ZNF451: variants seen among roughly 807,000 people sequenced by gnomAD.
ZNF451 encodes zinc finger protein 451.
Under a neutral mutation model 107.1 loss-of-function variants are expected in ZNF451, and 80 were observed. The ratio of observed to expected loss-of-function variants is 0.75; its 90% CI spans 0.62 to 0.90. ZNF451 has a LOEUF of 0.90. Among genes scored for constraint, ZNF451 ranks in the 40% least tolerant of loss-of-function variants. The probability of loss-of-function intolerance (pLI) is 0.00; values close to 1 mark genes in which losing one functional copy is unlikely to be tolerated. For synonymous variants in ZNF451, 362 were observed against 406.5 expected (o/e 0.89, Z 1.32); for missense variants, 1,107 against 1,236.2 (o/e 0.90, Z 1.57).
chr6:57,128,522 T>G (rs1020081974), intron 4 of ZNF451, among the ~76,000 whole-genome samples: 2 of 152,146 alleles, frequency 1.3e-5, no homozygotes, highest in African/African-American at 4.8e-5. Context: ...GGGGTGTAGG[T>G]TGTAGTAAAT....
At chr6:57,126,243 A>T (rs973039134) in intron 4 of ZNF451, among the ~76,000 whole-genome samples, 4 of 152,112 alleles carry the variant, frequency 2.6e-5, no homozygotes, top group African/African-American at 9.7e-5. Context: ...TTGTTTAACC[A>T]GTTGGAAAGA....
chr6:57,145,701 G>T (rs1235408232), intron 9 of ZNF451, among the ~76,000 whole-genome samples: 2 of 152,030 alleles, frequency 1.3e-5, no homozygotes, highest in African/African-American at 4.8e-5. Flanking sequence ...ATAATCCATT[G>T]ATGGACACTT....
At chr6:57,132,647 C>T in intron 5 of ZNF451, among the ~76,000 whole-genome samples, 1 of 151,742 alleles carries the variant, frequency 6.6e-6, no homozygotes, top group Non-Finnish European at 1.5e-5. Flanking sequence ...CCTTCTAATG[C>T]ATTTGGTCTT....
chr6:57,167,612 T>C (rs915225108), intron 14 of ZNF451, among the ~76,000 whole-genome samples: 5 of 152,130 alleles, frequency 3.3e-5, no homozygotes, highest in Non-Finnish European at 5.9e-5. Context: ...GGTTGCATCT[T>C]AGGGAGATCA....
chr6:57,106,435 T>A, intron 3 of ZNF451: 1 of 570,480 alleles, frequency 1.8e-6, no homozygotes, highest in Non-Finnish European at 2.2e-6. Flanking sequence ...GCCTCCCGAG[T>A]AGCTGGGATT....
intron 7 of ZNF451, among the ~76,000 whole-genome samples, chr6:57,136,455 T>A (rs1486183193): frequency 1.3e-5 from 2 of 152,018 alleles, no homozygotes; most frequent in African/African-American, 2.4e-5. Flanking sequence ...AGCTCTGAGA[T>A]GAGAGAATTG....
At chr6:57,097,505 C>G (rs914914314) in intron 2 of ZNF451, among the ~76,000 whole-genome samples, 3 of 152,158 alleles carry the variant, frequency 2.0e-5, no homozygotes, top group African/African-American at 7.2e-5. Context: ...CTACTGCATT[C>G]TCTAGTGTTT....
At chr6:57,139,494 C>T (rs1831643728) in intron 7 of ZNF451, among the ~76,000 whole-genome samples, 1 of 152,078 alleles carries the variant, frequency 6.6e-6, no homozygotes, top group African/African-American at 2.4e-5. Context: ...ATCTCATAAG[C>T]ACTACACAAA....
intron 5 of ZNF451, among the ~76,000 whole-genome samples, chr6:57,132,336 G>A (rs953839458): frequency 6.6e-6 from 1 of 152,130 alleles, no homozygotes; most frequent in Non-Finnish European, 1.5e-5. Flanking sequence ...GTTACATTGT[G>A]TAATATAATT....
At position 57,142,022 on chromosome 6, in the gene ZNF451, G is replaced by A. The variant is rs1450947637; in HGVS notation, c.931G>A (p.Val311Ile). The change falls in exon 9 of 15, where the codon GTT becomes ATT. Residue 311 changes from valine (V) to isoleucine (I), a missense_variant. Val to Ile is a conservative substitution (Grantham distance 29, BLOSUM62 3). Around this residue, in one of 5 missense-constraint regions of ZNF451, gnomAD observed 339 missense variants for 372.8 expected, o/e 0.91. Coordinates refer to ENST00000370706, the MANE Select transcript of ZNF451 (RefSeq NM_001031623.3). ...ACTTTTGATCTCTCTGTGCAAAGAT[G>A]TTCCCTTTCAAGTTAAGTGTGTGGC... is the stretch of plus-strand genomic sequence containing the variant. Reference protein sequence around the residue: ...KKLLISLCKDVPFQVKCVACH... With the variant: ...KKLLISLCKDIPFQVKCVACH... 2 of 1,614,006 alleles carry A rather than the reference G, an allele frequency of 1.2e-6. No homozygotes were observed. The highest frequency in any genetic ancestry group is 2.7e-5 in the African/African-American group (2 of 74,938).
chr6:57,141,918 T>G (rs750791934), intron 8 of ZNF451, 30 bp from the exon 9 acceptor site: 1 of 1,602,050 alleles, frequency 6.2e-7, no homozygotes, highest in Non-Finnish European at 8.5e-7. Context: ...TCAAATAACT[T>G]TGCAAATTAT....
intron 13 of ZNF451, among the ~76,000 whole-genome samples, chr6:57,154,750 ATAAT>A (rs764366065): frequency 7.2e-5 from 11 of 152,256 alleles, no homozygotes; most frequent in Admixed American, 1.3e-4. Flanking sequence ...TATGGATAGA[ATAAT>A]TAATGTTTAA....
chr6:57,141,053 C>T (rs1339356575), intron 7 of ZNF451, among the ~76,000 whole-genome samples: 1 of 151,234 alleles, frequency 6.6e-6, no homozygotes, highest in African/African-American at 2.4e-5. Flanking sequence ...AGCAAATGTT[C>T]TTCTATATTT....
intron 3 of ZNF451, among the ~76,000 whole-genome samples, chr6:57,123,326 T>G (rs1406470629): frequency 6.6e-6 from 1 of 152,178 alleles, no homozygotes; most frequent in Non-Finnish European, 1.5e-5. Flanking sequence ...TACACAGCCA[T>G]AATAAAGAAT....
intron 3 of ZNF451, chr6:57,104,382 C>A (rs1829747938): frequency 1.0e-6 from 1 of 985,252 alleles, no homozygotes; most frequent in South Asian, 4.7e-5. Flanking sequence ...ATAAGTGTTT[C>A]TGACTAGCTA....
chr6:57,101,897 C>T, intron 3 of ZNF451: 2 of 1,550,440 alleles, frequency 1.3e-6, no homozygotes, highest in Non-Finnish European at 1.7e-6. Flanking sequence ...GCTGTTGTTG[C>T]AGAAGACAAC....
intron 7 of ZNF451, among the ~76,000 whole-genome samples, chr6:57,137,714 C>G (rs1562614575): frequency 6.6e-6 from 1 of 152,176 alleles, no homozygotes; most frequent in Non-Finnish European, 1.5e-5. Context: ...TATTCTGTTT[C>G]TAGGGCTACT....
At chr6:57,118,540 A>T (rs73467901) in intron 3 of ZNF451, among the ~76,000 whole-genome samples, 2,033 of 152,218 alleles carry the variant, frequency 0.013, 50 homozygotes, top group African/African-American at 0.046. Flanking sequence ...GTTGTCCCCC[A>T]GGCTGGATCA....
chr6:57,113,145 C>T (rs770150493), intron 3 of ZNF451, among the ~76,000 whole-genome samples: 1 of 152,108 alleles, frequency 6.6e-6, no homozygotes, highest in African/African-American at 2.4e-5. Context: ...TGCTCTCCCT[C>T]CTCCCTCATT....
Sources: allele counts gnomAD v4.1 joint callset (sites outside exome capture counted in the v4.1 genomes callset), GRCh38; gene constraint gnomAD v4.1.1; regional missense constraint gnomAD v4.1.1; transcripts MANE v1.5; gene names NCBI Gene and HGNC (gene_info 2026-07-23, HGNC 2026-07-21).